Variants in DLL1 observed in about 807,000 individuals in gnomAD.
DLL1 encodes delta like canonical Notch ligand 1.
DLL1 carries 9 observed loss-of-function variants against 75.1 expected under a neutral mutation model. The ratio of observed to expected loss-of-function variants is 0.12; its 90% confidence interval spans 0.07 to 0.21. DLL1 has a LOEUF of 0.21. Among genes scored for constraint, DLL1 ranks in the 10% least tolerant of loss-of-function variants. The probability of loss-of-function intolerance (pLI) is 1.00; values close to 1 mark genes in which losing one functional copy is unlikely to be tolerated. For missense variants in DLL1, 837 were observed against 1,007.6 expected (o/e 0.83, Z 2.29); for synonymous variants, 477 against 418.3 (o/e 1.14, Z -1.71).
Position 170,290,039 on chromosome 6 carries a change from A to G in DLL1, c.54+47T>C, listed in dbSNP as rs959242432. The G allele has an allele frequency of 6.5e-7, 1 of 1,541,610 alleles. No individual in the cohort carries two copies. Among genetic ancestry groups the G allele is most frequent in the Non-Finnish European group, 8.7e-7 (1 of 1,153,420 alleles). ...CGCGCTCCTGCCCCGCGCCCCGGCT[A>G]CCCGTGAGACCCCGCGGGGCCGCGG... On this transcript the variant is annotated intron_variant, in intron 1 of 10. Coordinates refer to ENST00000366756, the MANE Select transcript of DLL1 (RefSeq NM_005618.4). The surrounding 1 kb of genome is among the most constrained non-coding windows in gnomAD (Gnocchi z 4.7).
At position 170,285,441 on chromosome 6, in the gene DLL1, A is replaced by G. The variant is rs1242092364; in HGVS notation, c.863-18T>C. 2 of 1,614,216 alleles carry G rather than the reference A, an allele frequency of 1.2e-6. No homozygotes were observed. The highest frequency in any genetic ancestry group is 2.2e-5 in the East Asian group (1 of 44,880). The stretch of plus-strand genomic sequence containing the variant: ...GTTCAGGTCTGTGAAGGGTGGGGAC[A>G]GGAAAAGTAGGAGATAGGAAGCTCG... On this transcript the variant is annotated intron_variant, in intron 6 of 10. Transcript: ENST00000366756.
At position 170,283,923 on chromosome 6, in the gene DLL1, G is replaced by A. The variant is rs148319460; in HGVS notation, c.1356C>T (p.Cys452=). 1.9e-5 allele frequency: 30 copies of A among 1,599,102 alleles called. No homozygotes were observed. The highest frequency in any genetic ancestry group is 6.8e-5 in the East Asian group (3 of 44,368). ...CATCCCGGCAGGTGCCCCCGTTGGCGCACGGGGAGGAGGCGCAGTCGTCCA... is the reference window on the plus strand; with the variant it reads ...CATCCCGGCAGGTGCCCCCGTTGGCACACGGGGAGGAGGCGCAGTCGTCCA... The part of the protein sequence containing the change: ...DNVDDCASSP[C]ANGGTCRDGV... The change falls in exon 9 of 11, where the codon TGC becomes TGT. Residue 452 remains cysteine (C), a synonymous_variant. Transcript: ENST00000366756.
intron 2 of DLL1, 101 bp downstream of exon 2, chr6:170,289,411 C>T (rs1783794851): frequency 2.7e-6 from 4 of 1,491,616 alleles, no homozygotes; most frequent in Non-Finnish European, 3.6e-6. Flanking sequence ...CTCGCGGGGT[C>T]CCCGAGGTCC....
chr6:170,284,907 C>G lies in DLL1; in HGVS notation c.1249+12G>C. ...GCCCGAGTCTCTGAGCAATCACCAG[C>G]TGCCCCCTTACCATTAGAACAGGGT... On this transcript the variant is annotated intron_variant, in intron 8 of 10. Transcript: ENST00000366756. 6.2e-7 allele frequency: 1 copy of G among 1,613,236 alleles called. No homozygotes were observed. The highest frequency in any genetic ancestry group is 8.5e-7 in the Non-Finnish European group (1 of 1,179,806).
Position 170,290,934 on chromosome 6 carries a change from T to C in DLL1, c.-795A>G. The C allele has an allele frequency of 5.7e-6, 4 of 698,468 alleles. No homozygotes were observed. In the South Asian group the frequency reaches 5.9e-5, roughly 10 times the overall value. The allele number at this position is 698,468 out of a possible 1,614,324, so 43.3% of individuals were successfully genotyped here. A position where few individuals can be genotyped will look rare whatever the true frequency, so the allele number is the denominator to read the frequency against. On this transcript the variant is annotated 5_prime_UTR_variant, in exon 1 of 11. Coordinates refer to ENST00000366756, the MANE Select transcript of DLL1 (RefSeq NM_005618.4). The surrounding 1 kb of genome is among the most constrained non-coding windows in gnomAD (Gnocchi z 4.7). ...CGGGTGCGCGCAGAGGATCTGGCTC[T>C]CGCCGGCGCCTGCCGCCCTTATATT...
At chr6:170,289,077 G>A (rs1179774508) in intron 2 of DLL1, 1 of 592,046 alleles carries the variant, frequency 1.7e-6, no homozygotes. Flanking sequence ...CAGGCAGGAT[G>A]GGGTGGAAGA....
intron 4 of DLL1, among the ~76,000 whole-genome samples, chr6:170,286,897 A>C (rs1783713740): frequency 6.6e-6 from 1 of 152,204 alleles, no homozygotes; most frequent in East Asian, 1.9e-4. Flanking sequence ...GATCTAATCT[A>C]TGGCACGCGC....
At position 170,290,833 on chromosome 6, in the gene DLL1, G is replaced by C; in HGVS notation, c.-694C>G. The C allele has an allele frequency of 1.6e-6, 1 of 626,820 alleles. No homozygotes were observed. Among genetic ancestry groups the C allele is most frequent in the Non-Finnish European group, 2.9e-6 (1 of 350,456 alleles). 38.8% of individuals were successfully genotyped at this position (626,820 alleles called of 1,614,324 possible). ...ACACACGCGCAGGACCGGAGGGGCC[G>C]GGCCGTGGGAGGAGGCTCTGCGCCG... On this transcript the variant is annotated 5_prime_UTR_variant, in exon 1 of 11. Transcript: ENST00000366756. The surrounding 1 kb of genome is among the most constrained non-coding windows in gnomAD (Gnocchi z 4.7).
Position 170,290,241 on chromosome 6 carries a change from A to G in DLL1, c.-102T>C. ...ATGGGCCACGGGGAGCGTGGGCAGA[A>G]AAGCGCCCTTGCCTCGCCCCAGACC... On this transcript the variant is annotated 5_prime_UTR_variant, in exon 1 of 11. Transcript: ENST00000366756. The surrounding 1 kb of genome is among the most constrained non-coding windows in gnomAD (Gnocchi z 4.7). 7.1e-7 allele frequency: 1 copy of G among 1,410,030 alleles called. No homozygotes were observed. Among genetic ancestry groups the G allele is most frequent in the Non-Finnish European group, 9.6e-7 (1 of 1,037,882 alleles). The allele number at this position is 1,410,030 out of a possible 1,614,324, so 87.3% of individuals were successfully genotyped here. A position where few individuals can be genotyped will look rare whatever the true frequency, so the allele number is the denominator to read the frequency against.
At position 170,288,484 on chromosome 6, in the gene DLL1, C is replaced by T. The variant is rs1411131643; in HGVS notation, c.425G>A (p.Arg142Lys). ...PDDLATENPE[R>K]LISRLATQRH... The stretch of plus-strand genomic sequence containing the variant: ...CTGGGTGGCCAGGCGGCTGATGAGT[C>T]TTTCTGGGTTTTCTACGGGGAGAAG... Residue 142 changes from arginine to lysine, a missense_variant, in exon 4 of 11, where the codon AGA becomes AAA. Physicochemically the swap from Arg to Lys is conservative, Grantham distance 26. Transcript: ENST00000366756. 6.2e-7 allele frequency: 1 copy of T among 1,614,004 alleles called. No individual in the cohort carries two copies. The highest frequency in any genetic ancestry group is 1.3e-5 in the African/African-American group (1 of 74,938).
intron 2 of DLL1, chr6:170,289,285 TCC>T (rs1783789371): frequency 1.3e-6 from 1 of 741,368 alleles, no homozygotes; most frequent in Non-Finnish European, 2.3e-6. Context: ...CGGCCTCTCC[TCC>T]TCGCCCCAGC....
chr6:170,284,790 G>C (rs144803661), intron 8 of DLL1, 129 bp downstream of exon 8: 1 of 970,764 alleles, frequency 1.0e-6, no homozygotes, highest in Non-Finnish European at 1.6e-6. Context: ...AGTTTCCATC[G>C]AGAATTCCTG....
In DLL1 at chr6:170,291,055, T is replaced by TC; in HGVS notation, c.-917dup. The TC allele has an allele frequency of 1.4e-6, 1 of 701,388 alleles. No homozygotes were observed. Among genetic ancestry groups the TC allele is most frequent in the Non-Finnish European group, 2.6e-6 (1 of 384,398 alleles). The allele number at this position is 701,388 out of a possible 1,614,324, so 43.4% of individuals were successfully genotyped here. A position where few individuals can be genotyped will look rare whatever the true frequency, so the allele number is the denominator to read the frequency against. ...GGAGCCACTTTTCCAAACCCTCCTCTCAATGGATCGCCAAATGGTCAGTGA... is the reference window on the plus strand; with the variant it reads ...GGAGCCACTTTTCCAAACCCTCCTCTCCAATGGATCGCCAAATGGTCAGTGA... On this transcript the variant is annotated 5_prime_UTR_variant, in exon 1 of 11. Transcript: ENST00000366756.
In DLL1 at chr6:170,283,528, C is replaced by A; in HGVS notation, c.1751G>T (p.Arg584Leu). 2 of 1,613,518 alleles carry A rather than the reference C, an allele frequency of 1.2e-6. No individual in the cohort carries two copies. Among genetic ancestry groups the A allele is most frequent in the Non-Finnish European group, 1.7e-6 (2 of 1,179,986 alleles). Reference sequence around the variant, plus strand: ...GTTGTTCATGGTCTCCGTCTCCCCCCGGCAGGGGTCGGCTGGGGGCCGGTG... The same window carrying A: ...GTTGTTCATGGTCTCCGTCTCCCCCAGGCAGGGGTCGGCTGGGGGCCGGTG... Reference protein sequence around the residue: ...QKHRPPADPCRGETETMNNLA... With the variant: ...QKHRPPADPCLGETETMNNLA... The change falls in exon 9 of 11, where the codon CGG becomes CTG. Residue 584 changes from arginine (R) to leucine (L), a missense_variant. Physicochemically the swap from Arg to Leu is moderately radical, Grantham distance 102 (BLOSUM62 -2). Transcript: ENST00000366756.
chr6:170,289,929 A>G (rs2114967125), intron 1 of DLL1, 121 bp from the exon 2 acceptor site: 1 of 1,328,696 alleles, frequency 7.5e-7, no homozygotes, highest in South Asian at 1.6e-5. Flanking sequence ...CGCTCGCTGC[A>G]CGGCCGGCGC....
chr6:170,283,334 C>A lies in DLL1; in HGVS notation c.1945G>T (p.Gly649Cys). The A allele has an allele frequency of 1.9e-6, 3 of 1,613,038 alleles. No individual in the cohort carries two copies. The highest frequency in any genetic ancestry group is 2.5e-6 in the Non-Finnish European group (3 of 1,180,036). The change falls in exon 9 of 11, where the codon GGT (glycine) becomes TGT (cysteine). Residue 649 changes from glycine to cysteine, a missense_variant. This residue lies in a region of DLL1 where 533 missense variants were observed against 545.7 expected (regional missense o/e 0.98). Transcript: ENST00000366756. ...GCGTCCCTGACGGCGGTGTCGTCACCCTTGAGGTCCTGCACGAGGTTATAG... is the reference window on the plus strand; with the variant it reads ...GCGTCCCTGACGGCGGTGTCGTCACACTTGAGGTCCTGCACGAGGTTATAG... ...VDYNLVQDLK[G>C]DDTAVRDAHS...
rs1374019651 is a variant in DLL1, at chr6:170,289,611, G to A, written c.252C>T (p.Thr84=). Residue 84 remains threonine, a synonymous_variant, in exon 2 of 11, where the codon ACC becomes ACT. Transcript: ENST00000366756. ...EPPCTYGSAV[T]PVLGVDSFSL... ...TGAAGGAGTCGACGCCCAGCACGGG[G>A]GTGACGGCGCTGCCGTAGGTGCAGG... 1.3e-6 allele frequency: 2 copies of A among 1,536,696 alleles called. No individual in the cohort carries two copies. Among genetic ancestry groups the A allele is most frequent in the Admixed American group, 3.9e-5 (2 of 50,982 alleles).
chr6:170,288,737 A>G lies in DLL1; in HGVS notation c.404T>C (p.Leu135Pro). 1 of 1,614,158 alleles carries G rather than the reference A, an allele frequency of 6.2e-7. No homozygotes were observed. Among genetic ancestry groups the G allele is most frequent in the Non-Finnish European group, 8.5e-7 (1 of 1,180,020 alleles). Residue 135 changes from leucine (L) to proline (P), a missense_variant, in exon 3 of 11, where the codon CTC (leucine) becomes CCC (proline). Physicochemically the swap from Leu to Pro is moderately conservative, Grantham distance 98 (BLOSUM62 -3). This residue lies in a region of DLL1 where 304 missense variants were observed against 461.9 expected (regional missense o/e 0.66). Coordinates refer to ENST00000366756, the MANE Select transcript of DLL1 (RefSeq NM_005618.4). ...EALHTDSPDD[L>P]ATENPERLIS... is the part of the protein sequence containing the mutation. ...TTGGGTTTTGTTTTTACCTGTTGCG[A>G]GGTCATCAGGAGAATCTGTGTGGAG...
At chr6:170,286,825 A>G (rs1583154927) in intron 4 of DLL1, among the ~76,000 whole-genome samples, 1 of 149,940 alleles carries the variant, frequency 6.7e-6, no homozygotes, top group African/African-American at 2.5e-5. Flanking sequence ...ACACACACAC[A>G]CGCACACGCA....
Sources: gnomAD v4.1 joint callset for allele counts (sites outside exome capture counted in the v4.1 genomes callset) on GRCh38, gnomAD v4.1.1 for gene constraint, gnomAD v4.1.1 regional missense constraint, Gnocchi (gnomAD v3.1) non-coding constraint, MANE v1.5 for transcripts, NCBI Gene and HGNC (gene_info 2026-07-23, HGNC 2026-07-21) for gene names.